Variants in ITSN2 observed in about 807,000 individuals in gnomAD.
ITSN2 encodes the protein intersectin 2.
In ITSN2, 156 loss-of-function variants were observed where a neutral mutation model predicts 243.7. The ratio of observed to expected loss-of-function variants is 0.64; its 90% CI spans 0.56 to 0.73. The LOEUF (loss-of-function observed/expected upper bound fraction) is 0.73. Among genes scored for constraint, ITSN2 ranks in the 30% least tolerant of loss-of-function variants. ITSN2 has a pLI of 0.00. For synonymous variants in ITSN2, 703 were observed against 699.9 expected, an observed-to-expected ratio of 1.00 and a Z score of -0.07; for missense variants, 1,801 against 1,996.1, an observed-to-expected ratio of 0.90 and a Z score of 1.86.
intron 21 of ITSN2, 29 bp downstream of exon 21, chr2:24,261,532 A>G: frequency 6.5e-7 from 1 of 1,537,308 alleles, no homozygotes; most frequent in Non-Finnish European, 9.0e-7. Flanking sequence ...GCAGATCTAT[A>G]TAAACTTTAC....
At chr2:24,214,149 A>C (rs1669748738) in intron 32 of ITSN2, among the ~76,000 whole-genome samples, 1 of 152,138 alleles carries the variant, frequency 6.6e-6, no homozygotes, top group Non-Finnish European at 1.5e-5. Flanking sequence ...AGATAATCCT[A>C]TTTGGTTATG....
At position 24,317,104 on chromosome 2, in the gene ITSN2, G is replaced by GGC. The variant is rs1347831032; in HGVS notation, c.32-1882_32-1881dup. On this transcript the variant is annotated intron_variant, in intron 2 of 39. Coordinates refer to ENST00000355123, the MANE Select transcript of ITSN2 (RefSeq NM_006277.3). ...TTACGTTAAAAAGTGGCAGTGGCCGGGCGCGGTGGCTCACGCCTGTAATCC... is the reference window on the plus strand; with the variant it reads ...TTACGTTAAAAAGTGGCAGTGGCCGGGCGCGCGGTGGCTCACGCCTGTAATCC... Among the ~76,000 whole-genome samples the GGC allele has an allele frequency of 7.2e-5, 11 of 152,346 alleles. No homozygotes were observed. The South Asian group carries it at 2.3e-3, about 32-fold the overall frequency.
At chr2:24,339,531 T>A (rs1235784670) in intron 1 of ITSN2, among the ~76,000 whole-genome samples, 1 of 151,726 alleles carries the variant, frequency 6.6e-6, no homozygotes, top group African/African-American at 2.4e-5. Context: ...ATTACGCTCC[T>A]TGGAGTTCTA....
Position 24,337,279 on chromosome 2 carries a change from ATGTATGTG to A in ITSN2, c.-33-9172_-33-9165del, listed in dbSNP as rs1423812297. On this transcript the variant is annotated intron_variant, in intron 1 of 39. Transcript: ENST00000355123. ...CCTGCAGGCGTGTGTGTCTATATGT[ATGTATGTG>A]TGTGTGTGTGTGTGTGTGTATACAC... 1.1e-3 allele frequency among the ~76,000 whole-genome samples: 112 copies of A among 97,926 alleles called. 4 individuals carry two copies. Among genetic ancestry groups the A allele is most frequent in the South Asian group, 6.8e-3 (20 of 2,956 alleles). The allele number at this position is 97,926 out of a possible 152,430, so 64.2% of individuals were successfully genotyped here.
At chr2:24,328,140 T>C (rs1685360859) in intron 1 of ITSN2, 25 bp from the exon 2 acceptor site, 1 of 1,569,432 alleles carries the variant, frequency 6.4e-7, no homozygotes, top group Non-Finnish European at 8.8e-7. Context: ...TATTGTGCCG[T>C]TGATAATACA....
chr2:24,330,769 TAC>T, intron 1 of ITSN2: 3 of 496,954 alleles, frequency 6.0e-6, no homozygotes, highest in Non-Finnish European at 1.1e-5. Flanking sequence ...AATTTCATTT[TAC>T]TTTTTTTTTT....
chr2:24,205,508 T>C (rs1188681781), intron 37 of ITSN2: 3 of 508,816 alleles, frequency 5.9e-6, no homozygotes, highest in Non-Finnish European at 7.2e-6. Flanking sequence ...CTGCTTTCTC[T>C]GCCCGTCAGC....
chr2:24,271,240 G>A (rs1558527374), intron 19 of ITSN2, among the ~76,000 whole-genome samples: 1 of 152,092 alleles, frequency 6.6e-6, no homozygotes, highest in Non-Finnish European at 1.5e-5. Flanking sequence ...GGAAAACAGT[G>A]GAAGAGTACA....
chr2:24,270,265 G>C (rs557001161), intron 20 of ITSN2, among the ~76,000 whole-genome samples: 50 of 152,270 alleles, frequency 3.3e-4, no homozygotes, highest in African/African-American at 1.2e-3. Flanking sequence ...ATTTTATATG[G>C]ATTGTGATAA....
chr2:24,344,296 T>C (rs1321202910), intron 1 of ITSN2, among the ~76,000 whole-genome samples: 1 of 152,200 alleles, frequency 6.6e-6, no homozygotes, highest in African/African-American at 2.4e-5. Flanking sequence ...ATACTGAGTA[T>C]TTAGGTAGGA....
chr2:24,291,951 A>G (rs1168038811), intron 15 of ITSN2, among the ~76,000 whole-genome samples: 4 of 152,350 alleles, frequency 2.6e-5, no homozygotes, highest in African/African-American at 9.6e-5. Context: ...TTTGAGTACT[A>G]TGATTGTACC....
chr2:24,216,121 G>C lies in ITSN2; in HGVS notation c.3918C>G (p.Ser1306Arg). The change falls in exon 32 of 40, where the codon AGC becomes AGG. Residue 1306 changes from serine (S) to arginine (R), a missense_variant. Physicochemically the swap from Ser to Arg is moderately radical, Grantham distance 110. Coordinates refer to ENST00000355123, the MANE Select transcript of ITSN2 (RefSeq NM_006277.3). Reference sequence around the variant, plus strand: ...ACAGAGCTGCTCCATTAAGCTGGCAGCTGCAGAACCTGATGTAAGCCTGCA... The same window carrying C: ...ACAGAGCTGCTCCATTAAGCTGGCACCTGCAGAACCTGATGTAAGCCTGCA... ...SHMQAYIRFC[S>R]CQLNGAALLQ... 6.2e-7 allele frequency: 1 copy of C among 1,613,276 alleles called. No individual in the cohort carries two copies.
At chr2:24,342,858 G>A (rs1687175378) in intron 1 of ITSN2, among the ~76,000 whole-genome samples, 1 of 151,914 alleles carries the variant, frequency 6.6e-6, no homozygotes, top group African/African-American at 2.4e-5. Flanking sequence ...GGGAGGCCGA[G>A]GCAAGTGGAT....
Position 24,317,232 on chromosome 2 carries a change from A to G in ITSN2, c.32-2008T>C, listed in dbSNP as rs185693513. Among the ~76,000 whole-genome samples, 152 of 152,138 alleles carry G rather than the reference A, an allele frequency of 1.0e-3. 1 individual carries two copies. The highest frequency in any genetic ancestry group is 3.5e-3 in the African/African-American group (145 of 41,520). ...CTCATCTCTACTAAAAATACAAAAC[A>G]AATTAGCTGGGTGTGATGGTGGGTG... On this transcript the variant is annotated intron_variant, in intron 2 of 39. Transcript: ENST00000355123.
intron 18 of ITSN2, 80 bp from the exon 19 acceptor site, chr2:24,272,021 C>T: frequency 8.4e-7 from 1 of 1,195,728 alleles, no homozygotes; most frequent in Non-Finnish European, 1.1e-6. Context: ...GATCTGGTTC[C>T]TGTCAAGGTG....
In ITSN2 at chr2:24,300,134, T is replaced by G. The variant is rs1681535818; in HGVS notation, c.1119A>C (p.Arg373=). The change falls in exon 12 of 40, where the codon CGA becomes CGC. Residue 373 remains arginine (R), a synonymous_variant. Coordinates refer to ENST00000355123, the MANE Select transcript of ITSN2 (RefSeq NM_006277.3). The part of the protein sequence containing the change: ...FEDKRKANYE[R]GNMELEKRRQ... Reference sequence around the variant, plus strand: ...GTCGCTTTTCCAGCTCCATGTTCCCTCGCTCATAGTTGGCTTTCCGTTTGT... The same window carrying G: ...GTCGCTTTTCCAGCTCCATGTTCCCGCGCTCATAGTTGGCTTTCCGTTTGT... 6.2e-7 allele frequency: 1 copy of G among 1,614,074 alleles called. No individual in the cohort carries two copies. The highest frequency in any genetic ancestry group is 8.5e-7 in the Non-Finnish European group (1 of 1,180,040).
At chr2:24,283,785 A>T (rs956538658) in intron 17 of ITSN2, among the ~76,000 whole-genome samples, 16 of 152,246 alleles carry the variant, frequency 1.1e-4, no homozygotes, top group Non-Finnish European at 1.0e-4. Context: ...ATGCTAACTC[A>T]AAGAATCAGA....
intron 32 of ITSN2, among the ~76,000 whole-genome samples, chr2:24,215,061 C>G (rs537845207): frequency 6.6e-6 from 1 of 152,182 alleles, no homozygotes; most frequent in Non-Finnish European, 1.5e-5. Flanking sequence ...ATAACCTGTA[C>G]GAAGGATGTT....
chr2:24,215,184 C>T (rs1669841991), intron 32 of ITSN2, among the ~76,000 whole-genome samples: 1 of 152,202 alleles, frequency 6.6e-6, no homozygotes, highest in African/African-American at 2.4e-5. Context: ...TTCTTCTGCT[C>T]ATCAGTTTCT....
Sources: allele counts gnomAD v4.1 joint callset (sites outside exome capture counted in the v4.1 genomes callset), GRCh38; gene constraint gnomAD v4.1.1; transcripts MANE v1.5; gene names NCBI Gene and HGNC (gene_info 2026-07-23, HGNC 2026-07-21).